The following PKD1L3 variants were observed in gnomAD, a reference collection of about 807,000 sequenced individuals.
The protein encoded by PKD1L3 is polycystin 1 like 3, transient receptor potential channel interacting.
Under a neutral mutation model 184.1 loss-of-function variants are expected in PKD1L3, and 239 were observed. The ratio of observed to expected loss-of-function variants is 1.30; its 90% CI spans 1.17 to 1.45. The LOEUF is 1.45. PKD1L3 is among the 40% of genes most tolerant of loss of function. PKD1L3 has a pLI of 0.00. For missense variants in PKD1L3, 2,660 were observed against 2,067.2 expected (o/e 1.29, Z -5.56); for synonymous variants, 996 against 778.8 (o/e 1.28, Z -4.64).
chr16:71,978,475 A>AAATGTGTG, intron 9 of PKD1L3, 92 bp from the exon 10 acceptor site: 1 of 385,430 alleles, frequency 2.6e-6, no homozygotes, highest in Non-Finnish European at 4.5e-6. Context: ...ATATGTATAT[A>AAATGTGTG]TGTGTGTGTG....
chr16:71,986,116 T>G, intron 5 of PKD1L3, 105 bp downstream of exon 5: 2 of 1,400,678 alleles, frequency 1.4e-6, no homozygotes, highest in South Asian at 2.8e-5. Context: ...TATACGCTGG[T>G]CTGTCAGGCA....
At chr16:71,994,934 G>A (rs752101543) in intron 2 of PKD1L3, among the ~76,000 whole-genome samples, 1 of 152,092 alleles carries the variant, frequency 6.6e-6, no homozygotes, top group Non-Finnish European at 1.5e-5. Flanking sequence ...GTTGCAGTGA[G>A]CCAAGATCAC....
rs935562759 is a variant in PKD1L3 at position 71,942,488 on chromosome 16, T to C, written c.4324+72A>G. 6.9e-6 allele frequency: 9 copies of C among 1,295,740 alleles called. No individual in the cohort carries two copies. The Middle Eastern group carries it at 1.2e-3, about 173-fold the overall frequency. The allele number at this position is 1,295,740 out of a possible 1,614,324, so 80.3% of individuals were successfully genotyped here. On this transcript the variant is annotated intron_variant, in intron 24 of 29. Transcript: ENST00000620267. ...GGAAGTTACCTTCAATGAAACCACATTCCTGGTTTTGCACTTATTGAACAG... is the reference window on the plus strand; with the variant it reads ...GGAAGTTACCTTCAATGAAACCACACTCCTGGTTTTGCACTTATTGAACAG...
At chr16:71,929,931 C>T in intron 29 of PKD1L3, 121 bp downstream of exon 29, 2 of 1,245,098 alleles carry the variant, frequency 1.6e-6, no homozygotes, top group Non-Finnish European at 2.2e-6. Flanking sequence ...GCTTTTGAAA[C>T]TAATAAAGGG....
intron 27 of PKD1L3, 21 bp downstream of exon 27, chr16:71,933,894 G>A: frequency 6.5e-7 from 1 of 1,547,492 alleles, no homozygotes; most frequent in South Asian, 1.2e-5. Context: ...GAGAAGGAGA[G>A]ACAGCAACGT....
chr16:71,978,882 C>G (rs1597356312), intron 9 of PKD1L3, among the ~76,000 whole-genome samples: 2 of 152,172 alleles, frequency 1.3e-5, no homozygotes, highest in South Asian at 4.1e-4. Flanking sequence ...CCTACTAATA[C>G]CGCAAATGAA....
chr16:71,938,774 G>A (rs184544877), intron 24 of PKD1L3, among the ~76,000 whole-genome samples: 1 of 152,334 alleles, frequency 6.6e-6, no homozygotes, highest in East Asian at 1.9e-4. Context: ...GTGGATAGGA[G>A]CTACCAACTC....
intron 16 of PKD1L3, 62 bp from the exon 17 acceptor site, chr16:71,954,363 A>G: frequency 1.5e-5 from 20 of 1,351,646 alleles, no homozygotes; most frequent in Non-Finnish European, 2.0e-5. Context: ...CACCAGTTTA[A>G]GATGTGATTT....
chr16:71,984,816 G>T (rs369637742), intron 5 of PKD1L3, among the ~76,000 whole-genome samples: 2 of 152,158 alleles, frequency 1.3e-5, no homozygotes, highest in Non-Finnish European at 2.9e-5. Context: ...CCGAGATTGC[G>T]CCACTGCACT....
At chr16:71,958,875 G>A (rs553207871) in intron 16 of PKD1L3, among the ~76,000 whole-genome samples, 112 of 146,072 alleles carry the variant, frequency 7.7e-4, no homozygotes, top group Non-Finnish European at 1.4e-3. Context: ...CTGCTTGAGC[G>A]CAGGAGTTTG....
In PKD1L3 at chr16:71,977,482, A is replaced by G. The variant is rs2039974755; in HGVS notation, c.1528-15T>C. The G allele has an allele frequency of 1.3e-6, 2 of 1,515,826 alleles. No homozygotes were observed. The highest frequency in any genetic ancestry group is 1.2e-5 in the South Asian group (1 of 83,268). The allele number at this position is 1,515,826 out of a possible 1,614,324, so 93.9% of individuals were successfully genotyped here. A position where few individuals can be genotyped will look rare whatever the true frequency, so the allele number is the denominator to read the frequency against. ...CAGAGCATGATCTAGAATAAGAGAC[A>G]GTTAATCATTATAATGGTCCATCCA... On this transcript the variant is annotated splice_polypyrimidine_tract_variant and intron_variant, in intron 10 of 29. Transcript: ENST00000620267.
chr16:71,979,761 T>C (rs1208835850), intron 9 of PKD1L3, 25 bp downstream of exon 9: 4 of 1,474,832 alleles, frequency 2.7e-6, no homozygotes, highest in Non-Finnish European at 2.7e-6. Flanking sequence ...ATTTTCATTC[T>C]GATCACAATC....
At chr16:71,997,455 A>C (rs1437420564) in intron 2 of PKD1L3, among the ~76,000 whole-genome samples, 1 of 151,372 alleles carries the variant, frequency 6.6e-6, no homozygotes, top group Non-Finnish European at 1.5e-5. Flanking sequence ...TCTCCACATA[A>C]AAAAATAAAT....
chr16:71,943,944 C>T, intron 23 of PKD1L3, 86 bp downstream of exon 23: 2 of 1,421,690 alleles, frequency 1.4e-6, no homozygotes, highest in East Asian at 2.5e-5. Context: ...TTTAACCCTT[C>T]TTTATTTTCC....
In PKD1L3 at chr16:71,930,109, A is replaced by C. The variant is rs2037880422; in HGVS notation, c.5001T>G (p.Ile1667Met). 1 of 1,551,646 alleles carries C rather than the reference A, an allele frequency of 6.4e-7. No homozygotes were observed. The highest frequency in any genetic ancestry group is 1.2e-5 in the South Asian group (1 of 84,052). Reference protein sequence around the residue: ...TSVILMVLVVINLFVSAILMA... With the variant: ...TSVILMVLVVMNLFVSAILMA... ...TGAGAATGGCCGAAACGAAAAGATT[A>C]ATTACCACAAGTACCATCAAGATGA... is the stretch of plus-strand genomic sequence containing the variant. The change falls in exon 29 of 30, where the codon ATT becomes ATG. Residue 1667 changes from isoleucine (I) to methionine (M), a missense_variant. Transcript: ENST00000620267.
intron 7 of PKD1L3, 111 bp from the exon 8 acceptor site, chr16:71,980,245 G>A (rs907521647): frequency 2.2e-6 from 3 of 1,346,766 alleles, no homozygotes; most frequent in South Asian, 2.9e-5. Flanking sequence ...TTGTAATGAA[G>A]GGTAGTATTC....
chr16:71,945,283 TATATATATATATATATATATATAC>T (rs1295950314), intron 22 of PKD1L3, among the ~76,000 whole-genome samples: 6 of 58,290 alleles, frequency 1.0e-4, no homozygotes, highest in Non-Finnish European at 1.4e-4. Context: ...TATATATATA[TATATATATATATATATATATATAC>T]ACACACACAC....
intron 10 of PKD1L3, among the ~76,000 whole-genome samples, chr16:71,977,771 A>C (rs2039988458): frequency 1.3e-5 from 2 of 151,476 alleles, no homozygotes; most frequent in South Asian, 4.2e-4. Context: ...GACCTATAAC[A>C]CTTCTTATTC....
intron 2 of PKD1L3, among the ~76,000 whole-genome samples, chr16:71,997,752 AAAATAAATAAAT>A (rs58522217): frequency 1.7e-4 from 25 of 145,734 alleles, no homozygotes; most frequent in Middle Eastern, 3.5e-3. Context: ...CAGTCTTGGA[AAAATAAATAAAT>A]AAATAAATAA....
Sources: gnomAD v4.1 joint callset for allele counts (sites outside exome capture counted in the v4.1 genomes callset) on GRCh38, gnomAD v4.1.1 for gene constraint, MANE v1.5 for transcripts, NCBI Gene and HGNC (gene_info 2026-07-23, HGNC 2026-07-21) for gene names.